MYO5C: variants seen among roughly 807,000 people sequenced by gnomAD.
The protein encoded by MYO5C is unconventional myosin-Vc.
MYO5C carries 194 observed loss-of-function variants against 235.7 expected under a neutral mutation model. That is an observed-to-expected ratio of 0.82 (90% CI 0.73 to 0.93). The LOEUF (loss-of-function observed/expected upper bound fraction) is 0.93. Ranked by LOEUF, MYO5C falls within the 40% of genes least tolerant of loss-of-function variation. The probability of loss-of-function intolerance (pLI) is 0.00; values close to 1 mark genes in which losing one functional copy is unlikely to be tolerated. For missense variants in MYO5C, 2,038 were observed against 2,127.2 expected (o/e 0.96, Z 0.82); for synonymous variants, 707 against 754.8 (o/e 0.94, Z 1.04).
At chr15:52,281,021 C>T (rs748524654) in intron 2 of MYO5C, among the ~76,000 whole-genome samples, 7 of 152,188 alleles carry the variant, frequency 4.6e-5, no homozygotes, top group Non-Finnish European at 1.0e-4. Context: ...TGTGACCTAA[C>T]CCCGACCAGA....
intron 1 of MYO5C, among the ~76,000 whole-genome samples, chr15:52,283,896 A>G (rs922639350): frequency 6.6e-6 from 1 of 152,000 alleles, no homozygotes; most frequent in Non-Finnish European, 1.5e-5. Flanking sequence ...GCTGGTCTCA[A>G]ACTCCTGACC....
chr15:52,292,477 GATC>G (rs1229907951), intron 1 of MYO5C, among the ~76,000 whole-genome samples: 2 of 152,236 alleles, frequency 1.3e-5, no homozygotes, highest in Non-Finnish European at 2.9e-5. Context: ...AAAAGTGTGA[GATC>G]ATCTAACACA....
At position 52,264,228 on chromosome 15, in the gene MYO5C, G is replaced by C. The variant is rs2036754929; in HGVS notation, c.1009C>G (p.Gln337Glu). 1 of 1,613,932 alleles carries C rather than the reference G, an allele frequency of 6.2e-7. No individual in the cohort carries two copies. Residue 337 changes from glutamine to glutamate, a missense_variant, in exon 9 of 41, where the codon CAG (glutamine) becomes GAG (glutamate). Gln to Glu is a conservative substitution (Grantham distance 29). Coordinates refer to ENST00000261839, the MANE Select transcript of MYO5C (RefSeq NM_018728.4). ...CTCTCGTTGCCCACCGCGGTGATCTGCACATTGCCCAGATGTAGGATGGCT... is the reference window on the plus strand; with the variant it reads ...CTCTCGTTGCCCACCGCGGTGATCTCCACATTGCCCAGATGTAGGATGGCT... ...LAAILHLGNV[Q>E]ITAVGNERSS... is the part of the protein sequence containing the mutation.
At position 52,279,540 on chromosome 15, in the gene MYO5C, A is replaced by C; in HGVS notation, c.273T>G (p.Phe91Leu). The C allele has an allele frequency of 6.2e-7, 1 of 1,613,930 alleles. No individual in the cohort carries two copies. The highest frequency in any genetic ancestry group is 8.5e-7 in the Non-Finnish European group (1 of 1,179,794). Residue 91 changes from phenylalanine (F) to leucine (L), a missense_variant, in exon 3 of 41, where the codon TTT becomes TTG. By Grantham distance (22) the Phe-to-Leu change is conservative (BLOSUM62 0). Transcript: ENST00000261839. ...AGGTGTAAATGAGTTTGGATTCTGCAAAGCGGATTCTGAGGTTGTGGAGCA... is the reference window on the plus strand; with the variant it reads ...AGGTGTAAATGAGTTTGGATTCTGCCAAGCGGATTCTGAGGTTGTGGAGCA... ...PAVLHNLRIR[F>L]AESKLIYTYS...
At chr15:52,221,838 G>C (rs2035695454) in intron 29 of MYO5C, among the ~76,000 whole-genome samples, 1 of 152,148 alleles carries the variant, frequency 6.6e-6, no homozygotes, top group African/African-American at 2.4e-5. Context: ...CTGAGATCCA[G>C]GCCTCTGAAG....
chr15:52,266,734 C>T (rs1179171003), intron 8 of MYO5C, among the ~76,000 whole-genome samples: 1 of 152,188 alleles, frequency 6.6e-6, no homozygotes, highest in Non-Finnish European at 1.5e-5. Context: ...TGAGAAAAGA[C>T]CCACAGCGTT....
At position 52,224,144 on chromosome 15, in the gene MYO5C, G is replaced by A. The variant is rs565432032; in HGVS notation, c.3447-420C>T. On this transcript the variant is annotated intron_variant, in intron 28 of 40. Transcript: ENST00000261839. ...CTAAAAATACAAAAATTAGCCAGGT[G>A]TGGTAGCGCATGCCTGTAGTTCCAG... Among the ~76,000 whole-genome samples the A allele has an allele frequency of 1.6e-4, 24 of 152,260 alleles. No homozygotes were observed. The Middle Eastern group carries it at 0.01, about 65-fold the overall frequency.
At chr15:52,246,677 G>C (rs766366711) in intron 16 of MYO5C, among the ~76,000 whole-genome samples, 12 of 152,104 alleles carry the variant, frequency 7.9e-5, no homozygotes, top group Non-Finnish European at 1.5e-5. Flanking sequence ...GGTTCAAGTT[G>C]CAAAAACTTT....
intron 9 of MYO5C, among the ~76,000 whole-genome samples, chr15:52,262,577 T>C (rs915832688): frequency 7.2e-5 from 11 of 152,168 alleles, no homozygotes; most frequent in Non-Finnish European, 1.3e-4. Context: ...ACTTGGGGAA[T>C]TGACTCATTC....
intron 29 of MYO5C, among the ~76,000 whole-genome samples, chr15:52,222,446 C>T (rs534514879): frequency 1.2e-3 from 184 of 152,166 alleles, no homozygotes; most frequent in African/African-American, 3.7e-3. Context: ...GCCAGTGAGG[C>T]GGGACAAGAA....
Position 52,275,712 on chromosome 15 carries a change from G to A in MYO5C, c.456C>T (p.Asn152=). 2.5e-6 allele frequency: 4 copies of A among 1,614,120 alleles called. No homozygotes were observed. Among genetic ancestry groups the A allele is most frequent in the Non-Finnish European group, 3.4e-6 (4 of 1,179,970 alleles). Reference sequence around the variant, plus strand: ...CACTTACAATTATGGACTGGTTTCTGTTGTTTCTAAAGCAAATAAAAGTTT... The same window carrying A: ...CACTTACAATTATGGACTGGTTTCTATTGTTTCTAAAGCAAATAAAAGTTT... ...EEAYKQMARN[N]RNQSIIVSGE... is the part of the protein sequence containing the mutation. The change falls in exon 5 of 41, where the codon AAC becomes AAT. Residue 152 remains asparagine (N), a synonymous_variant. Coordinates refer to ENST00000261839, the MANE Select transcript of MYO5C (RefSeq NM_018728.4).
In MYO5C at chr15:52,272,647, T is replaced by A. The variant is rs1650087508; in HGVS notation, c.683A>T (p.Glu228Val). 2 of 1,614,040 alleles carry A rather than the reference T, an allele frequency of 1.2e-6. No individual in the cohort carries two copies. Residue 228 changes from glutamate to valine, a missense_variant, in exon 6 of 41, where the codon GAA becomes GTA. Glu to Val is a moderately radical substitution (Grantham distance 121, BLOSUM62 -2). Coordinates refer to ENST00000261839, the MANE Select transcript of MYO5C (RefSeq NM_018728.4). ...FGKYTEISFDEQNQIIGANMS... is the reference protein window; with the variant it reads ...FGKYTEISFDVQNQIIGANMS... The stretch of plus-strand genomic sequence containing the variant: ...GTTGGCTCCTATAATTTGATTTTGT[T>A]CATCAAAACTGATTTCTGTGTATTT...
chr15:52,216,215 T>G (rs4145158), intron 32 of MYO5C, among the ~76,000 whole-genome samples: 148,676 of 152,132 alleles, frequency 0.98, 72,675 homozygotes, highest in Middle Eastern at 1. Flanking sequence ...ATTATTATTA[T>G]TAGTAGTAGT....
intron 8 of MYO5C, among the ~76,000 whole-genome samples, chr15:52,264,710 T>G (rs2036766204): frequency 6.6e-6 from 1 of 152,236 alleles, no homozygotes; most frequent in South Asian, 2.1e-4. Flanking sequence ...CCCCTCCAGA[T>G]TCTCTGCTCT....
At position 52,286,074 on chromosome 15, in the gene MYO5C, G is replaced by C. The variant is rs374373908; in HGVS notation, c.28-3182C>G. On this transcript the variant is annotated intron_variant, in intron 1 of 40. Coordinates refer to ENST00000261839, the MANE Select transcript of MYO5C (RefSeq NM_018728.4). ...CGTCTGGGATGTGAGGAGCGTCTCT[G>C]CCCGGCCGCCCCGTCTGAGAAGTGA... Among the ~76,000 whole-genome samples the C allele has an allele frequency of 2.8e-3, 418 of 151,930 alleles. 1 individual carries two copies. Among genetic ancestry groups the C allele is most frequent in the African/African-American group, 7.8e-3 (324 of 41,440 alleles).
At chr15:52,247,628 C>A (rs55870025) in intron 14 of MYO5C, 36 bp from the exon 15 acceptor site, 31,837 of 1,609,572 alleles carry the variant, frequency 0.02, 748 homozygotes, top group African/African-American at 0.097. Context: ...TGTCCAAAAG[C>A]AACTGCCCAC....
intron 35 of MYO5C, among the ~76,000 whole-genome samples, chr15:52,209,391 T>C (rs1481515053): frequency 3.9e-5 from 6 of 152,074 alleles, no homozygotes; most frequent in Non-Finnish European, 5.9e-5. Flanking sequence ...ACAAAGAGAA[T>C]TGGTGGAGAA....
intron 36 of MYO5C, among the ~76,000 whole-genome samples, chr15:52,206,366 T>C (rs1428087961): frequency 6.6e-6 from 1 of 152,210 alleles, no homozygotes; most frequent in East Asian, 1.9e-4. Flanking sequence ...AAAGTTGAAA[T>C]ATTTTAAAGT....
At chr15:52,230,658 C>A (rs2035927761) in intron 24 of MYO5C, among the ~76,000 whole-genome samples, 1 of 151,948 alleles carries the variant, frequency 6.6e-6, no homozygotes, top group Non-Finnish European at 1.5e-5. Context: ...GATCTGCCCG[C>A]CTTGGCCTCC....
Sources: gnomAD v4.1 joint callset for allele counts (sites outside exome capture counted in the v4.1 genomes callset) on GRCh38, gnomAD v4.1.1 for gene constraint, MANE v1.5 for transcripts, NCBI Gene and HGNC (gene_info 2026-07-23, HGNC 2026-07-21) for gene names.